Variants in EEFSEC observed in about 807,000 individuals in gnomAD.
EEFSEC encodes selenocysteine-specific elongation factor.
In EEFSEC, 43 loss-of-function variants were observed where a neutral mutation model predicts 42.1. The observed-to-expected ratio is 1.02, with a 90% CI of 0.80 to 1.32. EEFSEC has a LOEUF of 1.32. Among genes scored for constraint, EEFSEC ranks in the 40% most tolerant of loss-of-function variants. The pLI, the probability that EEFSEC is intolerant of heterozygous loss-of-function variation, is 0.00. For missense variants in EEFSEC, 745 were observed against 803.6 expected (o/e 0.93, Z 0.88); for synonymous variants, 354 against 339.1 (o/e 1.04, Z -0.48).
rs529688296 is a variant in EEFSEC, at chr3:128,396,223, C to T, written c.1601-11846C>T. Among the ~76,000 whole-genome samples the T allele has an allele frequency of 2.0e-5, 3 of 152,310 alleles. No individual in the cohort carries two copies. The South Asian group carries it at 6.2e-4, about 32-fold the overall frequency. ...AGGCCTGGCTTACCAACAGTACAGGCACAGGGTGGCAGCTGGCGGCGCTAG... is the reference window on the plus strand; with the variant it reads ...AGGCCTGGCTTACCAACAGTACAGGTACAGGGTGGCAGCTGGCGGCGCTAG... On this transcript the variant is annotated intron_variant, in intron 6 of 6. Coordinates refer to ENST00000254730, the MANE Select transcript of EEFSEC (RefSeq NM_021937.5).
chr3:128,267,322 T>G (rs1023502021), intron 4 of EEFSEC, among the ~76,000 whole-genome samples: 2 of 152,186 alleles, frequency 1.3e-5, no homozygotes, highest in African/African-American at 4.8e-5. Context: ...TTACTGATCT[T>G]TAGTACTTGG....
intron 1 of EEFSEC, among the ~76,000 whole-genome samples, chr3:128,197,068 T>C (rs1463384870): frequency 6.6e-6 from 1 of 152,256 alleles, no homozygotes; most frequent in African/African-American, 2.4e-5. Context: ...CTGTGTACTT[T>C]TGTAAGTTGC....
intron 6 of EEFSEC, among the ~76,000 whole-genome samples, chr3:128,376,533 A>G (rs1381428082): frequency 6.6e-6 from 1 of 152,166 alleles, no homozygotes. Flanking sequence ...GGTCCCACCC[A>G]TCAGCTGGCA....
At chr3:128,153,873 A>G in intron 1 of EEFSEC, 50 bp downstream of exon 1, 1 of 1,449,354 alleles carries the variant, frequency 6.9e-7, no homozygotes, top group Non-Finnish European at 9.0e-7. Context: ...GGGCGGAGCG[A>G]CCGGGCCCCG....
At chr3:128,245,948 C>T (rs183969509) in intron 1 of EEFSEC, among the ~76,000 whole-genome samples, 4 of 152,084 alleles carry the variant, frequency 2.6e-5, no homozygotes, top group Admixed American at 1.3e-4. Context: ...AATCCGATCC[C>T]GAGAAATGCT....
chr3:128,215,863 G>A (rs1576551491), intron 1 of EEFSEC, among the ~76,000 whole-genome samples: 1 of 152,128 alleles, frequency 6.6e-6, no homozygotes, highest in Non-Finnish European at 1.5e-5. Context: ...CTCACAGAAA[G>A]AGATATTTCC....
At chr3:128,414,028 G>A in the EEFSEC span, among the ~76,000 whole-genome samples, 3 of 152,212 alleles carry the variant, frequency 2.0e-5, no homozygotes, top group East Asian at 1.9e-4. Context: ...CTCCAGCTCC[G>A]ACCCGCCTGT....
At chr3:128,212,896 A>T (rs1337869756) in intron 1 of EEFSEC, among the ~76,000 whole-genome samples, 2 of 152,212 alleles carry the variant, frequency 1.3e-5, no homozygotes, top group Non-Finnish European at 2.9e-5. Context: ...CTGCCACATC[A>T]GCCAGCTCCT....
At chr3:128,286,735 G>A (rs974274097) in intron 4 of EEFSEC, among the ~76,000 whole-genome samples, 2 of 152,218 alleles carry the variant, frequency 1.3e-5, no homozygotes, top group African/African-American at 2.4e-5. Context: ...GACAGGGTGT[G>A]TGCTCCTTGC....
At chr3:128,370,947 G>A (rs749490148) in intron 6 of EEFSEC, among the ~76,000 whole-genome samples, 5 of 152,216 alleles carry the variant, frequency 3.3e-5, no homozygotes, top group Non-Finnish European at 7.3e-5. Context: ...CAGGACAGAA[G>A]GAACAGAGTG....
At chr3:128,355,768 A>G (rs1456920375) in intron 5 of EEFSEC, among the ~76,000 whole-genome samples, 1 of 152,240 alleles carries the variant, frequency 6.6e-6, no homozygotes, top group Non-Finnish European at 1.5e-5. Flanking sequence ...GGAGAGGAAC[A>G]TGTTTCTGCC....
At chr3:128,239,550 G>C (rs911617731) in intron 1 of EEFSEC, among the ~76,000 whole-genome samples, 5 of 152,184 alleles carry the variant, frequency 3.3e-5, no homozygotes, top group African/African-American at 9.6e-5. Flanking sequence ...CTCAGAACTT[G>C]AGGTGGGCTT....
intron 1 of EEFSEC, among the ~76,000 whole-genome samples, chr3:128,242,943 A>G (rs1293719620): frequency 1.3e-5 from 2 of 152,190 alleles, no homozygotes; most frequent in Non-Finnish European, 2.9e-5. Flanking sequence ...GGGAATTGGG[A>G]AGGACACTGT....
chr3:128,338,863 C>T (rs1232949101), intron 4 of EEFSEC, among the ~76,000 whole-genome samples: 1 of 152,126 alleles, frequency 6.6e-6, no homozygotes, highest in East Asian at 1.9e-4. Flanking sequence ...TCCAGCTGAC[C>T]AGAGGATCTT....
At chr3:128,217,935 C>T (rs1015517830) in intron 1 of EEFSEC, among the ~76,000 whole-genome samples, 2 of 152,188 alleles carry the variant, frequency 1.3e-5, no homozygotes, top group Non-Finnish European at 1.5e-5. Context: ...TACATTTCAT[C>T]ATCCTAGCTT....
intron 1 of EEFSEC, among the ~76,000 whole-genome samples, chr3:128,170,191 C>G (rs1388208985): frequency 6.6e-6 from 1 of 152,176 alleles, no homozygotes; most frequent in Non-Finnish European, 1.5e-5. Flanking sequence ...ATGGCCTAGC[C>G]TCAGACTTGC....
At chr3:128,276,236 T>G (rs1439773945) in intron 4 of EEFSEC, among the ~76,000 whole-genome samples, 1 of 152,164 alleles carries the variant, frequency 6.6e-6, no homozygotes, top group Non-Finnish European at 1.5e-5. Context: ...CACACTCAGC[T>G]GGGGGTTAGG....
intron 4 of EEFSEC, among the ~76,000 whole-genome samples, chr3:128,314,735 G>A (rs1229093911): frequency 6.6e-6 from 1 of 152,172 alleles, no homozygotes; most frequent in East Asian, 1.9e-4. Context: ...GTACCCAGTA[G>A]ATATCTATAA....
rs73201482 is a variant in EEFSEC at position 128,405,729 on chromosome 3, G to A, written c.1601-2340G>A. ...ACTGGGCAGGACTGGGAAAAGGGAG[G>A]AAAATTCTTCAGGTGCCAGCAGGTG... On this transcript the variant is annotated intron_variant, in intron 6 of 6. Transcript: ENST00000254730. Among the ~76,000 whole-genome samples, 606 of 152,368 alleles carry A rather than the reference G, an allele frequency of 4.0e-3. 2 individuals carry two copies. Among genetic ancestry groups the A allele is most frequent in the Admixed American group, 9.1e-3 (139 of 15,308 alleles).
Sources: allele counts gnomAD v4.1 joint callset (sites outside exome capture counted in the v4.1 genomes callset), GRCh38; gene constraint gnomAD v4.1.1; transcripts MANE v1.5; gene names NCBI Gene and HGNC (gene_info 2026-07-23, HGNC 2026-07-21).